Variants in MYCBP2 observed in about 807,000 individuals in gnomAD.
The protein encoded by MYCBP2 is MYC binding protein 2, also known as E3 ubiquitin-protein ligase MYCBP2.
Under a neutral mutation model 525.3 loss-of-function variants are expected in MYCBP2, and 120 were observed. The ratio of observed to expected loss-of-function variants is 0.23; its 90% CI spans 0.20 to 0.27. The LOEUF (loss-of-function observed/expected upper bound fraction) is 0.27, where lower values mean the gene tolerates loss of function less well. Ranked by LOEUF, MYCBP2 falls within the 10% of genes least tolerant of loss-of-function variation. The pLI, the probability that MYCBP2 is intolerant of heterozygous loss-of-function variation, is 1.00. For missense variants in MYCBP2, 4,149 were observed against 5,657.1 expected (o/e 0.73, Z 8.55); for synonymous variants, 1,894 against 1,955.8 (o/e 0.97, Z 0.83).
chr13:77,292,846 T>C (rs1329475209), intron 2 of MYCBP2, among the ~76,000 whole-genome samples: 2 of 150,284 alleles, frequency 1.3e-5, no homozygotes, highest in East Asian at 3.9e-4. Context: ...TAATCCCAGC[T>C]ACTCAGGAGG....
intron 81 of MYCBP2, among the ~76,000 whole-genome samples, chr13:77,051,376 A>C (rs1264968270): frequency 6.6e-6 from 1 of 152,256 alleles, no homozygotes; most frequent in Admixed American, 6.5e-5. Flanking sequence ...CCAAGTTCTA[A>C]TTCCATTTCC....
intron 82 of MYCBP2, among the ~76,000 whole-genome samples, chr13:77,049,085 A>T (rs1046371186): frequency 1.3e-5 from 2 of 151,954 alleles, no homozygotes; most frequent in African/African-American, 4.8e-5. Context: ...ACAACCTACA[A>T]CTTTCATTCA....
At chr13:77,299,560 G>T (rs2078550391) in intron 1 of MYCBP2, among the ~76,000 whole-genome samples, 1 of 152,092 alleles carries the variant, frequency 6.6e-6, no homozygotes, top group South Asian at 2.1e-4. Flanking sequence ...ATTTAAAAAT[G>T]CCATTTGCTA....
intron 43 of MYCBP2, 131 bp from the exon 44 acceptor site, chr13:77,162,086 T>C (rs1461268129): frequency 4.5e-6 from 3 of 662,040 alleles, no homozygotes; most frequent in Non-Finnish European, 5.1e-6. Flanking sequence ...AGATTTGTGA[T>C]TCTGGAAAAA....
intron 43 of MYCBP2, among the ~76,000 whole-genome samples, chr13:77,164,041 T>C (rs1021106428): frequency 1.6e-4 from 25 of 152,352 alleles, no homozygotes; most frequent in Non-Finnish European, 2.8e-4. Flanking sequence ...TCCCATGTCT[T>C]TAAATAACGA....
chr13:77,296,997 A>G (rs1278422255), intron 1 of MYCBP2, among the ~76,000 whole-genome samples: 2 of 152,198 alleles, frequency 1.3e-5, no homozygotes. Context: ...GATGTTTACA[A>G]ATGTCAGTGA....
chr13:77,125,187 T>A, intron 54 of MYCBP2, 149 bp downstream of exon 54: 1 of 953,738 alleles, frequency 1.0e-6, no homozygotes, highest in Non-Finnish European at 1.5e-6. Flanking sequence ...AAACCAATTT[T>A]AACAGTTGCA....
At chr13:77,243,746 T>C in intron 16 of MYCBP2, 60 bp downstream of exon 16, 6 of 1,465,116 alleles carry the variant, frequency 4.1e-6, no homozygotes, top group Non-Finnish European at 5.5e-6. Context: ...TTGTTTAAAC[T>C]GTCAGACTTA....
At position 77,146,223 on chromosome 13, in the gene MYCBP2, A is replaced by C. The variant is rs1325160067; in HGVS notation, c.7132-6T>G. 6.3e-7 allele frequency: 1 copy of C among 1,583,398 alleles called. No individual in the cohort carries two copies. The highest frequency in any genetic ancestry group is 1.4e-5 in the African/African-American group (1 of 73,908). The stretch of plus-strand genomic sequence containing the variant: ...AATGAATAATTTTCATAAACCTTTA[A>C]GAAAGAGACCAGTCTGAACAATCGT... On this transcript the variant is annotated splice_polypyrimidine_tract_variant and splice_region_variant and intron_variant, in intron 47 of 82. Coordinates refer to ENST00000544440, the MANE Select transcript of MYCBP2 (RefSeq NM_015057.5).
intron 26 of MYCBP2, among the ~76,000 whole-genome samples, chr13:77,205,043 T>C (rs1172119186): frequency 6.6e-6 from 1 of 151,880 alleles, no homozygotes; most frequent in Non-Finnish European, 1.5e-5. Context: ...AAACTTAAAG[T>C]ATAATAATAA....
Position 77,134,916 on chromosome 13 carries a change from G to GTAAA in MYCBP2, c.7659+4276_7659+4279dup, listed in dbSNP as rs370847849. On this transcript the variant is annotated intron_variant, in intron 52 of 82. Coordinates refer to ENST00000544440, the MANE Select transcript of MYCBP2 (RefSeq NM_015057.5). ...TGAATACACGAATTCTAAAACATGA[G>GTAAA]TAAACAAGACAGCATGACAAGATCA... Among the ~76,000 whole-genome samples, 310 of 152,262 alleles carry GTAAA rather than the reference G, an allele frequency of 2.0e-3. 2 individuals carry two copies. The highest frequency in any genetic ancestry group is 5.4e-3 in the African/African-American group (226 of 41,552).
intron 26 of MYCBP2, among the ~76,000 whole-genome samples, chr13:77,202,973 G>A: frequency 6.6e-6 from 1 of 151,846 alleles, no homozygotes; most frequent in Non-Finnish European, 1.5e-5. Context: ...CATTCCCTTT[G>A]AAAACTGGCA....
intron 82 of MYCBP2, 60 bp downstream of exon 82, chr13:77,050,937 G>A (rs2036676717): frequency 7.2e-7 from 1 of 1,397,920 alleles, no homozygotes; most frequent in African/African-American, 1.5e-5. Flanking sequence ...TTCATATAAT[G>A]TTTACATAAA....
intron 28 of MYCBP2, among the ~76,000 whole-genome samples, chr13:77,191,201 A>C (rs920821340): frequency 6.6e-6 from 1 of 152,214 alleles, no homozygotes; most frequent in Non-Finnish European, 1.5e-5. Context: ...AAAATATAAG[A>C]ATATGAACTG....
chr13:77,118,529 G>A (rs753823296), intron 55 of MYCBP2: 29 of 762,690 alleles, frequency 3.8e-5, no homozygotes, highest in Admixed American at 1.9e-4. Context: ...ACTACAACTC[G>A]TTATTCATTA....
At chr13:77,121,534 G>A (rs374707190) in intron 54 of MYCBP2, 39 bp from the exon 55 acceptor site, 77 of 1,494,316 alleles carry the variant, frequency 5.2e-5, no homozygotes, top group East Asian at 1.6e-4. Flanking sequence ...AGTTTCTTAC[G>A]TGCTATTCCC....
chr13:77,233,228 G>A lies in MYCBP2; in HGVS notation c.2665C>T (p.His889Tyr), dbSNP rs763192723. 2 of 1,613,690 alleles carry A rather than the reference G, an allele frequency of 1.2e-6. No individual in the cohort carries two copies. Among genetic ancestry groups the A allele is most frequent in the Admixed American group, 3.3e-5 (2 of 59,968 alleles). ...AGTCTGGCTAGAGCCTGTTCTCGAT[G>A]GTTCATAAAAATAGGACCAGCAAAT... ...LVFAGPIFMNHREQALARLRS... is the reference protein window; with the variant it reads ...LVFAGPIFMNYREQALARLRS... The change falls in exon 18 of 83, where the codon CAT becomes TAT. Residue 889 changes from histidine to tyrosine, a missense_variant. This residue lies in a region of MYCBP2 where 620 missense variants were observed against 795.5 expected (regional missense o/e 0.78). Coordinates refer to ENST00000544440, the MANE Select transcript of MYCBP2 (RefSeq NM_015057.5).
chr13:77,125,801 T>C (rs2051549431), intron 53 of MYCBP2, among the ~76,000 whole-genome samples: 1 of 152,180 alleles, frequency 6.6e-6, no homozygotes, highest in African/African-American at 2.4e-5. Flanking sequence ...CTTGCTATTA[T>C]TTAGGTTGAG....
rs543878569 is a variant in MYCBP2 at position 77,240,696 on chromosome 13, G to A, written c.2629+2363C>T. On this transcript the variant is annotated intron_variant, in intron 17 of 82. Transcript: ENST00000544440. ...TGTGTTAACTGAAACACAGAAATAC[G>A]GGAACTCTGTCCTCCTTTCGCATGA... is the stretch of plus-strand genomic sequence containing the variant. 3.9e-5 allele frequency among the ~76,000 whole-genome samples: 6 copies of A among 152,206 alleles called. No individual in the cohort carries two copies. The South Asian group carries it at 6.2e-4, about 16-fold the overall frequency.
Sources: allele counts gnomAD v4.1 joint callset (sites outside exome capture counted in the v4.1 genomes callset), GRCh38; gene constraint gnomAD v4.1.1; regional missense constraint gnomAD v4.1.1; transcripts MANE v1.5; gene names NCBI Gene and HGNC (gene_info 2026-07-23, HGNC 2026-07-21).